FAM149B1: variants seen among roughly 807,000 people sequenced by gnomAD.
FAM149B1 encodes family with sequence similarity 149 member B1, also known as primary cilium assembly protein FAM149B1.
A neutral mutation model predicts 75.3 loss-of-function variants in FAM149B1; 56 were observed. The ratio of observed to expected loss-of-function variants is 0.74; its 90% CI spans 0.60 to 0.93. The LOEUF is 0.93. Ranked by LOEUF, FAM149B1 falls within the 40% of genes least tolerant of loss-of-function variation. FAM149B1 has a pLI of 0.00. For synonymous variants in FAM149B1, 259 were observed against 256.1 expected, an observed-to-expected ratio of 1.01 and a Z score of -0.11; for missense variants, 639 against 708.4, an observed-to-expected ratio of 0.90 and a Z score of 1.11.
At position 73,241,338 on chromosome 10, in the gene FAM149B1, T is replaced by C. The variant is rs1456990038; in HGVS notation, c.*319T>C. ...TATCTCTTAACAATGATCAGTTCAATCATATAGGATTTGATGAGCTCACAC... is the reference window on the plus strand; with the variant it reads ...TATCTCTTAACAATGATCAGTTCAACCATATAGGATTTGATGAGCTCACAC... On this transcript the variant is annotated 3_prime_UTR_variant, in exon 14 of 14. Transcript: ENST00000242505. The C allele has an allele frequency of 6.1e-6, 2 of 326,114 alleles. No individual in the cohort carries two copies. The highest frequency in any genetic ancestry group is 8.3e-5 in the Admixed American group (2 of 23,988). The allele number at this position is 326,114 out of a possible 1,614,324, so 20.2% of individuals were successfully genotyped here. A position where few individuals can be genotyped will look rare whatever the true frequency, so the allele number is the denominator to read the frequency against.
chr10:73,243,226 G>C lies in FAM149B1; in HGVS notation c.*2207G>C. The C allele has an allele frequency of 1.5e-6, 1 of 663,732 alleles. No individual in the cohort carries two copies. Among genetic ancestry groups the C allele is most frequent in the Non-Finnish European group, 2.5e-6 (1 of 395,728 alleles). The allele number at this position is 663,732 out of a possible 1,614,324, so 41.1% of individuals were successfully genotyped here. ...TCACACAATGTCAAGTGCTTTCTAG[G>C]AAATACTAAGATCAGGTTGAGAGAT... On this transcript the variant is annotated 3_prime_UTR_variant, in exon 14 of 14. Coordinates refer to ENST00000242505, the MANE Select transcript of FAM149B1 (RefSeq NM_173348.2).
chr10:73,198,665 C>T (rs921602390), intron 5 of FAM149B1, among the ~76,000 whole-genome samples: 3 of 152,034 alleles, frequency 2.0e-5, no homozygotes, highest in African/African-American at 4.8e-5. Context: ...ATTAGCTTGG[C>T]GTGGCAGTGT....
At chr10:73,201,308 T>A (rs530515507) in intron 5 of FAM149B1, 3 of 195,618 alleles carry the variant, frequency 1.5e-5, no homozygotes, top group Admixed American at 1.0e-4. Flanking sequence ...GCTTCTTTCT[T>A]TGGGAATATT....
rs550591080 is a variant in FAM149B1, at chr10:73,203,126, C to T, written c.543-5493C>T. Among the ~76,000 whole-genome samples, 23 of 152,320 alleles carry T rather than the reference C, an allele frequency of 1.5e-4. No individual in the cohort carries two copies. In the South Asian group the frequency reaches 4.8e-3, roughly 32 times the overall value. On this transcript the variant is annotated intron_variant, in intron 5 of 13. Transcript: ENST00000242505. Reference sequence around the variant, plus strand: ...ACGGTGTTTTTTCTGAAGTTTTCTTCATGGTTCAAGATAGCTGATAGAGCT... The same window carrying T: ...ACGGTGTTTTTTCTGAAGTTTTCTTTATGGTTCAAGATAGCTGATAGAGCT...
intron 1 of FAM149B1, 97 bp downstream of exon 1, chr10:73,168,483 G>T: frequency 7.1e-7 from 1 of 1,413,646 alleles, no homozygotes; most frequent in South Asian, 1.3e-5. Flanking sequence ...TCCCAGGGCT[G>T]GGGAGAGATT....
At chr10:73,217,266 G>A (rs982003654) in intron 7 of FAM149B1, among the ~76,000 whole-genome samples, 1 of 152,200 alleles carries the variant, frequency 6.6e-6, no homozygotes. Flanking sequence ...TATTGTACAA[G>A]AAATTGGAGG....
At chr10:73,235,117 T>C (rs867530426) in intron 11 of FAM149B1, 76 bp from the exon 12 acceptor site, 1 of 1,495,846 alleles carries the variant, frequency 6.7e-7, no homozygotes, top group Non-Finnish European at 9.1e-7. Flanking sequence ...ATATCTGCCA[T>C]GGTCGATAGG....
At position 73,241,692 on chromosome 10, in the gene FAM149B1, A is replaced by C. The variant is rs998646419; in HGVS notation, c.*673A>C. 7.2e-5 allele frequency: 11 copies of C among 152,276 alleles called. No individual in the cohort carries two copies. Among genetic ancestry groups the C allele is most frequent in the African/African-American group, 2.7e-4 (11 of 41,454 alleles). 9.4% of individuals were successfully genotyped at this position (152,276 alleles called of 1,614,324 possible). The stretch of plus-strand genomic sequence containing the variant: ...GCCAGGTGATGCTTATTTTCTTCCT[A>C]AAGTAGGTTACTGGTCATATCTTTT... On this transcript the variant is annotated 3_prime_UTR_variant, in exon 14 of 14. Transcript: ENST00000242505.
At chr10:73,194,904 G>A (rs1367810507) in intron 5 of FAM149B1, among the ~76,000 whole-genome samples, 1 of 151,764 alleles carries the variant, frequency 6.6e-6, no homozygotes, top group African/African-American at 2.4e-5. Context: ...GGCTGGTCTT[G>A]AACTCCTGAC....
chr10:73,175,602 G>A (rs1276303670), intron 2 of FAM149B1, among the ~76,000 whole-genome samples: 12 of 149,396 alleles, frequency 8.0e-5, no homozygotes, highest in Non-Finnish European at 1.6e-4. Context: ...CCCGGGAGGC[G>A]GAGCTTGCAG....
At chr10:73,212,001 A>G (rs1425612135) in intron 7 of FAM149B1, among the ~76,000 whole-genome samples, 1 of 152,134 alleles carries the variant, frequency 6.6e-6, no homozygotes, top group Non-Finnish European at 1.5e-5. Context: ...CTGTATGTCC[A>G]TGTGAACCCA....
rs762316170 is a variant in FAM149B1 at position 73,168,308 on chromosome 10, TGAGGAG to T, written c.-5_1del. The T allele has an allele frequency of 3.4e-3, 5,224 of 1,528,684 alleles. 7 individuals carry two copies. Among genetic ancestry groups the T allele is most frequent in the Non-Finnish European group, 4.3e-3 (4,842 of 1,133,226 alleles). 94.7% of individuals were successfully genotyped at this position (1,528,684 alleles called of 1,614,324 possible). ...CTGGCGTGCCTGCCCCGGCCGCGGC[TGAGGAG>T]GAGGAGGAGGAGGAGGAGGAGGAGG... On this transcript the variant is annotated 5_prime_UTR_variant, in exon 1 of 14. Transcript: ENST00000242505.
intron 3 of FAM149B1, among the ~76,000 whole-genome samples, chr10:73,190,018 T>C (rs2042640889): frequency 6.6e-6 from 1 of 152,162 alleles, no homozygotes; most frequent in African/African-American, 2.4e-5. Context: ...TCAAAATGAA[T>C]AGCATTTGAA....
At position 73,228,021 on chromosome 10, in the gene FAM149B1, A is replaced by T. The variant is rs1029427247; in HGVS notation, c.899-39A>T. On this transcript the variant is annotated intron_variant, in intron 7 of 13. Coordinates refer to ENST00000242505, the MANE Select transcript of FAM149B1 (RefSeq NM_173348.2). ...CACAATACTGTTGCTGTGGGCCAGA[A>T]GATTATCCATGGATAATATATCCTG... is the stretch of plus-strand genomic sequence containing the variant. The T allele has an allele frequency of 9.1e-6, 14 of 1,546,154 alleles. No homozygotes were observed. In the Admixed American group the frequency reaches 9.8e-5, roughly 11 times the overall value.
At chr10:73,182,613 G>A (rs2042425835) in intron 3 of FAM149B1, among the ~76,000 whole-genome samples, 1 of 152,138 alleles carries the variant, frequency 6.6e-6, no homozygotes, top group African/African-American at 2.4e-5. Context: ...CCATCATATT[G>A]CGAGGAAGTT....
In FAM149B1 at chr10:73,209,362, C is replaced by T. The variant is rs553653409; in HGVS notation, c.710+576C>T. ...ACTTGGGAGGCTGAGGCCAGAGAATCGCTTGAACCCGGGAGGCGGAGGTTG... is the reference window on the plus strand; with the variant it reads ...ACTTGGGAGGCTGAGGCCAGAGAATTGCTTGAACCCGGGAGGCGGAGGTTG... On this transcript the variant is annotated intron_variant, in intron 6 of 13. Coordinates refer to ENST00000242505, the MANE Select transcript of FAM149B1 (RefSeq NM_173348.2). 3.3e-5 allele frequency among the ~76,000 whole-genome samples: 5 copies of T among 152,156 alleles called. No homozygotes were observed. The East Asian group carries it at 7.7e-4, about 23-fold the overall frequency.
intron 2 of FAM149B1, among the ~76,000 whole-genome samples, 160 bp downstream of exon 2, chr10:73,174,951 A>T (rs970343128): frequency 6.6e-6 from 1 of 152,246 alleles, no homozygotes; most frequent in African/African-American, 2.4e-5. Flanking sequence ...GAAACAGCTA[A>T]TGACAACATC....
chr10:73,194,401 T>A (rs966923654), intron 5 of FAM149B1, among the ~76,000 whole-genome samples: 1 of 152,192 alleles, frequency 6.6e-6, no homozygotes, highest in Non-Finnish European at 1.5e-5. Context: ...TTTATTTATT[T>A]ATTTTTTTTG....
At chr10:73,201,473 C>T (rs182430469) in intron 5 of FAM149B1, among the ~76,000 whole-genome samples, 37 of 152,218 alleles carry the variant, frequency 2.4e-4, no homozygotes, top group African/African-American at 7.2e-4. Flanking sequence ...TAAAATTTTT[C>T]TTTCTTAGAA....
Sources: gnomAD v4.1 joint callset for allele counts (sites outside exome capture counted in the v4.1 genomes callset) on GRCh38, gnomAD v4.1.1 for gene constraint, MANE v1.5 for transcripts, NCBI Gene and HGNC (gene_info 2026-07-23, HGNC 2026-07-21) for gene names.